ERCC6L2: variants seen among roughly 807,000 people sequenced by gnomAD.
The protein encoded by ERCC6L2 is DNA excision repair protein ERCC-6-like 2.
ERCC6L2 carries 77 observed loss-of-function variants against 132.0 expected under a neutral mutation model. The ratio of observed to expected loss-of-function variants is 0.58; its 90% CI spans 0.49 to 0.71. The LOEUF (loss-of-function observed/expected upper bound fraction) is 0.71. ERCC6L2 is among the 30% of genes least tolerant of loss of function. ERCC6L2 has a pLI of 0.00. For synonymous variants in ERCC6L2, 583 were observed against 632.4 expected, an observed-to-expected ratio of 0.92 and a Z score of 1.17; for missense variants, 1,542 against 1,837.6, an observed-to-expected ratio of 0.84 and a Z score of 2.94.
At chr9:96,040,762 C>T (rs758275570) in intron 20 of ERCC6L2, among the ~76,000 whole-genome samples, 23 of 152,216 alleles carry the variant, frequency 1.5e-4, no homozygotes, top group Non-Finnish European at 2.5e-4. Flanking sequence ...CAGAAAGAAA[C>T]GCCTTCTGCA....
downstream of ERCC6L2, chr9:96,021,494 G>A: frequency 5.5e-6 from 1 of 180,808 alleles, no homozygotes; most frequent in Non-Finnish European, 1.1e-5. The surrounding 1 kb of genome is among the most constrained non-coding windows in gnomAD (Gnocchi z 4.7). Flanking sequence ...GGACCCCCGC[G>A]GCCTGGGGGA....
At chr9:95,900,630 G>C (rs758399335) in intron 3 of ERCC6L2, among the ~76,000 whole-genome samples, 24 of 152,050 alleles carry the variant, frequency 1.6e-4, no homozygotes, top group Non-Finnish European at 2.8e-4. Context: ...TAACAGCCTT[G>C]ATATTTTTTT....
intron 4 of ERCC6L2, among the ~76,000 whole-genome samples, chr9:95,912,550 T>A (rs1184686816): frequency 6.6e-6 from 1 of 152,204 alleles, no homozygotes; most frequent in African/African-American, 2.4e-5. Context: ...TAGCATGGAT[T>A]TCCTAAAACT....
At chr9:95,960,831 T>C (rs867208088) in intron 13 of ERCC6L2, among the ~76,000 whole-genome samples, 69 of 152,094 alleles carry the variant, frequency 4.5e-4, no homozygotes, top group African/African-American at 1.6e-3. Context: ...GAGATAGAGT[T>C]TCACTCTGTT....
chr9:95,893,565 T>A, intron 2 of ERCC6L2, among the ~76,000 whole-genome samples: 1 of 152,194 alleles, frequency 6.6e-6, no homozygotes, highest in Admixed American at 6.5e-5. Flanking sequence ...AATTTGTTGG[T>A]GAAACTATCT....
intron 19 of ERCC6L2, among the ~76,000 whole-genome samples, chr9:96,032,531 C>G (rs1223185503): frequency 6.6e-6 from 1 of 152,232 alleles, no homozygotes; most frequent in Non-Finnish European, 1.5e-5. Context: ...CCTGGCGCAC[C>G]TGCTTCTTGG....
chr9:96,019,277 A>G (rs549000874), downstream of ERCC6L2, among the ~76,000 whole-genome samples: 57 of 152,344 alleles, frequency 3.7e-4, no homozygotes, highest in Admixed American at 9.1e-4. Context: ...TAAAAGCACT[A>G]ATGGGAACAA....
chr9:95,933,867 AGTCTT>A (rs1391851263), intron 11 of ERCC6L2, among the ~76,000 whole-genome samples: 2 of 148,734 alleles, frequency 1.3e-5, no homozygotes, highest in African/African-American at 2.5e-5. Flanking sequence ...AAAAAAAAGA[AGTCTT>A]GAGAGCAAAA....
intron 11 of ERCC6L2, among the ~76,000 whole-genome samples, chr9:95,931,176 C>G (rs1587927662): frequency 6.6e-6 from 1 of 152,196 alleles, no homozygotes; most frequent in African/African-American, 2.4e-5. Context: ...TATGTTTGCA[C>G]TGTTCAGTTC....
chr9:96,025,865 T>C (rs1039451773), intron 19 of ERCC6L2: 3 of 152,222 alleles, frequency 2.0e-5, no homozygotes, highest in Non-Finnish European at 4.4e-5. Flanking sequence ...AGGATTTGTA[T>C]TTAGAGTCTA....
At chr9:96,009,446 C>G (rs1023292498) in intron 18 of ERCC6L2, among the ~76,000 whole-genome samples, 2 of 152,216 alleles carry the variant, frequency 1.3e-5, no homozygotes, top group African/African-American at 4.8e-5. Context: ...CCTCTCCTTC[C>G]GGAAGCTTAG....
chr9:95,952,953 C>T (rs141141368), intron 12 of ERCC6L2, among the ~76,000 whole-genome samples: 29 of 152,206 alleles, frequency 1.9e-4, no homozygotes, highest in East Asian at 9.7e-4. Flanking sequence ...ATATCAGCTA[C>T]GAAGAATGGA....
At position 96,038,978 on chromosome 9, in the gene ERCC6L2, G is replaced by A. The variant is rs1466904862; in HGVS notation, c.*1606G>A. ...AGAGCCCACATGGGAAGGGACAGAGGCCTCCTGCCCACAGCCGTGGAGATG... is the reference window on the plus strand; with the variant it reads ...AGAGCCCACATGGGAAGGGACAGAGACCTCCTGCCCACAGCCGTGGAGATG... On this transcript the variant is annotated 3_prime_UTR_variant and NMD_transcript_variant, in exon 20 of 21. Transcript: ENST00000670016. 5 of 455,866 alleles carry A rather than the reference G, an allele frequency of 1.1e-5. 1 individual carries two copies. The highest frequency in any genetic ancestry group is 7.7e-5 in the South Asian group (5 of 64,540). The allele number at this position is 455,866 out of a possible 1,614,324, so 28.2% of individuals were successfully genotyped here. A position where few individuals can be genotyped will look rare whatever the true frequency, so the allele number is the denominator to read the frequency against.
rs534127020 is a variant in ERCC6L2, at chr9:96,018,053, A to C, written c.*4850A>C. Among the ~76,000 whole-genome samples, 26 of 152,318 alleles carry C rather than the reference A, an allele frequency of 1.7e-4. No individual in the cohort carries two copies. The highest frequency in any genetic ancestry group is 5.8e-4 in the African/African-American group (24 of 41,560). On this transcript the variant is annotated 3_prime_UTR_variant, in exon 19 of 19. Transcript: ENST00000653738. ...CTAGATTAGTCAGATTCATAGAGACAAAGTAGAATGGTGGTTGCTAGACGC... is the reference window on the plus strand; with the variant it reads ...CTAGATTAGTCAGATTCATAGAGACCAAGTAGAATGGTGGTTGCTAGACGC...
intron 13 of ERCC6L2, among the ~76,000 whole-genome samples, chr9:95,961,364 C>T (rs538455335): frequency 1.1e-4 from 17 of 152,198 alleles, no homozygotes; most frequent in East Asian, 3.9e-4. Flanking sequence ...AAGAATGCTA[C>T]GGATTACCAG....
At chr9:95,934,896 A>G (rs1830490045) in intron 11 of ERCC6L2, among the ~76,000 whole-genome samples, 1 of 152,202 alleles carries the variant, frequency 6.6e-6, no homozygotes, top group Non-Finnish European at 1.5e-5. Context: ...TTTCCCAGAA[A>G]GATGAGGACA....
intron 6 of ERCC6L2, among the ~76,000 whole-genome samples, chr9:95,920,247 AC>A (rs1452619625): frequency 3.3e-5 from 5 of 152,084 alleles, no homozygotes; most frequent in African/African-American, 1.2e-4. Flanking sequence ...CATTTCTGCC[AC>A]CCATGAGAAA....
In ERCC6L2 at chr9:96,012,710, G is replaced by T; in HGVS notation, c.4160G>T (p.Ser1387Ile). ...EDTVTSRSLN[S>I]ESETRERRLE... Reference sequence around the variant, plus strand: ...ACTGTGACATCCCGTTCTCTGAACAGTGAGTCTGAAACACGTGAGAGAAGG... The same window carrying T: ...ACTGTGACATCCCGTTCTCTGAACATTGAGTCTGAAACACGTGAGAGAAGG... Residue 1387 changes from serine (S) to isoleucine (I), a missense_variant, in exon 19 of 19, where the codon AGT becomes ATT. By Grantham distance (142) the Ser-to-Ile change is moderately radical (BLOSUM62 -2). Around this residue, in one of 4 missense-constraint regions of ERCC6L2, gnomAD observed 442 missense variants for 583.4 expected, o/e 0.76. Coordinates refer to ENST00000653738, the MANE Select transcript of ERCC6L2 (RefSeq NM_020207.7). The T allele has an allele frequency of 7.3e-7, 1 of 1,367,588 alleles. No homozygotes were observed. Among genetic ancestry groups the T allele is most frequent in the Non-Finnish European group, 9.8e-7 (1 of 1,021,858 alleles). The allele number at this position is 1,367,588 out of a possible 1,614,324, so 84.7% of individuals were successfully genotyped here.
chr9:95,973,734 C>G (rs535456304), intron 16 of ERCC6L2, among the ~76,000 whole-genome samples: 75 of 152,300 alleles, frequency 4.9e-4, no homozygotes, highest in Admixed American at 9.2e-4. Context: ...AGCTACAATT[C>G]AGGATGAGAT....
Sources: allele counts gnomAD v4.1 joint callset (sites outside exome capture counted in the v4.1 genomes callset), GRCh38; gene constraint gnomAD v4.1.1; regional missense constraint gnomAD v4.1.1; non-coding constraint Gnocchi (gnomAD v3.1); transcripts MANE v1.5; gene names NCBI Gene and HGNC (gene_info 2026-07-23, HGNC 2026-07-21).